KDM2A: variants seen among roughly 807,000 people sequenced by gnomAD.
KDM2A encodes the protein lysine-specific demethylase 2A.
KDM2A carries 3 observed loss-of-function variants against 137.3 expected under a neutral mutation model. The ratio of observed to expected loss-of-function variants is 0.02; its 90% CI spans 0.01 to 0.06. The LOEUF is 0.06. Ranked by LOEUF, KDM2A falls within the 10% of genes least tolerant of loss-of-function variation. KDM2A has a pLI of 1.00. For missense variants in KDM2A, 738 were observed against 1,510.6 expected (o/e 0.49, Z 8.48); for synonymous variants, 512 against 541.5 (o/e 0.95, Z 0.76).
chr11:67,223,687 G>A (rs1053830995), intron 10 of KDM2A, among the ~76,000 whole-genome samples: 16 of 152,058 alleles, frequency 1.1e-4, no homozygotes, highest in Middle Eastern at 3.2e-3. Context: ...TGGGACCACG[G>A]GCATGAGCCA....
intron 5 of KDM2A, among the ~76,000 whole-genome samples, chr11:67,201,226 G>GTGTGTA: frequency 6.7e-6 from 1 of 149,190 alleles, no homozygotes; most frequent in East Asian, 2.0e-4. Flanking sequence ...ATATGTGTGT[G>GTGTGTA]TGTGTGTGTA....
At chr11:67,230,538 A>G (rs1858678097) in intron 11 of KDM2A, among the ~76,000 whole-genome samples, 1 of 151,666 alleles carries the variant, frequency 6.6e-6, no homozygotes, top group South Asian at 2.1e-4. Flanking sequence ...TTGTGGGAGG[A>G]TTGCTTGAGC....
chr11:67,139,089 C>T (rs1486275566), intron 2 of KDM2A, among the ~76,000 whole-genome samples: 1 of 152,134 alleles, frequency 6.6e-6, no homozygotes, highest in African/African-American at 2.4e-5. Flanking sequence ...CTTCTCCCCC[C>T]ACCATGCTCC....
intron 15 of KDM2A, among the ~76,000 whole-genome samples, chr11:67,247,970 T>C (rs1171312185): frequency 6.6e-6 from 1 of 152,242 alleles, no homozygotes; most frequent in Non-Finnish European, 1.5e-5. Context: ...CTGGCAATTA[T>C]ATTGTTGTAT....
chr11:67,160,738 G>A (rs1367555110), intron 2 of KDM2A, among the ~76,000 whole-genome samples: 2 of 151,944 alleles, frequency 1.3e-5, no homozygotes, highest in African/African-American at 2.4e-5. Flanking sequence ...GCCATTGCAC[G>A]CCAGCCTGGG....
intron 2 of KDM2A, among the ~76,000 whole-genome samples, chr11:67,169,689 CT>C (rs1481813619): frequency 1.4e-5 from 2 of 146,526 alleles, no homozygotes; most frequent in Admixed American, 1.4e-4. Context: ...CACTTGGTTT[CT>C]TTTTTCTTTC....
At chr11:67,206,215 G>A (rs767190571) in intron 5 of KDM2A, among the ~76,000 whole-genome samples, 1 of 152,210 alleles carries the variant, frequency 6.6e-6, no homozygotes, top group Non-Finnish European at 1.5e-5. Context: ...CAGATCAGCT[G>A]AGGTCAGGAG....
intron 11 of KDM2A, among the ~76,000 whole-genome samples, chr11:67,230,677 A>C (rs1291159897): frequency 6.6e-6 from 1 of 151,968 alleles, no homozygotes; most frequent in African/African-American, 2.4e-5. Context: ...ATAATCATAC[A>C]CATCTGTTAA....
intron 12 of KDM2A, among the ~76,000 whole-genome samples, chr11:67,241,558 A>G (rs986537182): frequency 3.9e-5 from 6 of 152,158 alleles, no homozygotes; most frequent in African/African-American, 9.7e-5. Flanking sequence ...ATTATTAGCA[A>G]TGGCCCAGAC....
intron 2 of KDM2A, among the ~76,000 whole-genome samples, chr11:67,126,632 C>A (rs900539700): frequency 5.4e-5 from 8 of 148,356 alleles, no homozygotes; most frequent in Non-Finnish European, 7.4e-5. Context: ...TGCTTGAACT[C>A]GGGAGGTGGA....
chr11:67,186,328 C>A (rs1857206621), intron 5 of KDM2A, among the ~76,000 whole-genome samples: 2 of 152,124 alleles, frequency 1.3e-5, no homozygotes, highest in African/African-American at 4.8e-5. Flanking sequence ...CTTTGGAGGC[C>A]AGGAGGCAGT....
chr11:67,123,027 G>T (rs1200964673), intron 2 of KDM2A, among the ~76,000 whole-genome samples: 1 of 151,960 alleles, frequency 6.6e-6, no homozygotes, highest in Non-Finnish European at 1.5e-5. Context: ...GTGACGTTCA[G>T]TGATGTGATC....
chr11:67,125,786 A>G (rs1565368504), intron 2 of KDM2A, among the ~76,000 whole-genome samples: 1 of 151,406 alleles, frequency 6.6e-6, no homozygotes, highest in Non-Finnish European at 1.5e-5. Context: ...CTCAAAAAAA[A>G]AAAAAAAATT....
At chr11:67,194,062 C>A (rs1164824234) in intron 5 of KDM2A, among the ~76,000 whole-genome samples, 1 of 152,142 alleles carries the variant, frequency 6.6e-6, no homozygotes, top group Non-Finnish European at 1.5e-5. Context: ...AATCTCATTT[C>A]TTTGAGTGTT....
At chr11:67,178,860 A>G (rs762846499) in intron 2 of KDM2A, among the ~76,000 whole-genome samples, 2 of 152,176 alleles carry the variant, frequency 1.3e-5, no homozygotes, top group Non-Finnish European at 2.9e-5. Context: ...ACATTTGTGT[A>G]TAAGCTTTTG....
intron 12 of KDM2A, among the ~76,000 whole-genome samples, chr11:67,241,008 G>C (rs904679754): frequency 6.6e-6 from 1 of 152,140 alleles, no homozygotes; most frequent in African/African-American, 2.4e-5. Flanking sequence ...ACTGCTTTTG[G>C]TGAACAGTTA....
intron 6 of KDM2A, among the ~76,000 whole-genome samples, chr11:67,214,296 C>T (rs1275847280): frequency 1.3e-5 from 2 of 151,262 alleles, no homozygotes; most frequent in East Asian, 3.9e-4. Flanking sequence ...GCTCCGCCTC[C>T]CGGGTTCATG....
At chr11:67,192,444 T>C (rs1433733236) in intron 5 of KDM2A, among the ~76,000 whole-genome samples, 4 of 126,454 alleles carry the variant, frequency 3.2e-5, no homozygotes, top group East Asian at 4.2e-4. Context: ...TTTTTTTTTT[T>C]TTTTTTTTTT....
chr11:67,170,236 T>C (rs922685722), intron 2 of KDM2A, among the ~76,000 whole-genome samples: 4 of 152,046 alleles, frequency 2.6e-5, no homozygotes, highest in South Asian at 4.1e-4. Flanking sequence ...ACCAGTAGTT[T>C]GTCAACGAAA....
Sources: gnomAD v4.1 joint callset for allele counts (sites outside exome capture counted in the v4.1 genomes callset) on GRCh38, gnomAD v4.1.1 for gene constraint, MANE v1.5 for transcripts, NCBI Gene and HGNC (gene_info 2026-07-23, HGNC 2026-07-21) for gene names.